Variants in SMC2 observed in about 807,000 individuals in gnomAD.
SMC2 encodes the protein structural maintenance of chromosomes protein 2.
In SMC2, 41 loss-of-function variants were observed where a neutral mutation model predicts 142.6. The observed-to-expected ratio is 0.29, with a 90% CI of 0.22 to 0.37. SMC2 has a LOEUF of 0.37. Among genes scored for constraint, SMC2 ranks in the 10% least tolerant of loss-of-function variants. SMC2 has a pLI of 1.00. For synonymous variants in SMC2, 463 were observed against 457.5 expected, an observed-to-expected ratio of 1.01 and a Z score of -0.15; for missense variants, 1,265 against 1,373.7, an observed-to-expected ratio of 0.92 and a Z score of 1.25.
chr9:104,095,388 C>T lies in SMC2; in HGVS notation c.4C>T (p.His2Tyr). Reference sequence around the variant, plus strand: ...CTGACCCAAGACAGTATCGAAAATGCATATTAAGTCAATTATTCTAGAGGG... The same window carrying T: ...CTGACCCAAGACAGTATCGAAAATGTATATTAAGTCAATTATTCTAGAGGG... The part of the protein sequence containing the change: M[H>Y]IKSIILEGFK... Residue 2 changes from histidine (H) to tyrosine (Y), a missense_variant, in exon 2 of 25, where the codon CAT becomes TAT. This residue lies in a region of SMC2 where 168 missense variants were observed against 184.8 expected (regional missense o/e 0.91). Transcript: ENST00000374793. 1.2e-6 allele frequency: 2 copies of T among 1,612,174 alleles called. No homozygotes were observed. Among genetic ancestry groups the T allele is most frequent in the Non-Finnish European group, 1.7e-6 (2 of 1,179,610 alleles).
intron 9 of SMC2, among the ~76,000 whole-genome samples, chr9:104,109,507 T>C (rs55909255): frequency 0.37 from 56,252 of 152,052 alleles, 10,784 homozygotes; most frequent in Middle Eastern, 0.43. Context: ...CTGTTGCCAC[T>C]CTATAGTCTG....
intron 11 of SMC2, 140 bp from the exon 12 acceptor site, chr9:104,113,824 A>G (rs1832766118): frequency 1.8e-6 from 1 of 563,606 alleles, no homozygotes; most frequent in African/African-American, 1.9e-5. Flanking sequence ...AGAAATAGGA[A>G]GGTTCAGCAT....
At chr9:104,094,601 T>G (rs946415061) in intron 1 of SMC2, 124 bp downstream of exon 1, 2 of 378,286 alleles carry the variant, frequency 5.3e-6, no homozygotes, top group Non-Finnish European at 9.4e-6. Flanking sequence ...CAGAGGGACC[T>G]TAGGTGATCC....
chr9:104,110,306 A>C (rs1832279082), intron 9 of SMC2, among the ~76,000 whole-genome samples: 1 of 152,222 alleles, frequency 6.6e-6, no homozygotes, highest in Non-Finnish European at 1.5e-5. Flanking sequence ...CTGCCTTTCC[A>C]GACAGATGAT....
intron 15 of SMC2, 94 bp from the exon 16 acceptor site, chr9:104,119,933 A>G: frequency 8.5e-7 from 1 of 1,173,348 alleles, no homozygotes. Context: ...TTACTATTGA[A>G]TCAATTTGAG....
In SMC2 at chr9:104,094,466, C is replaced by T. The variant is rs1446341628; in HGVS notation, c.-73C>T. 5 of 397,614 alleles carry T rather than the reference C, an allele frequency of 1.3e-5. No homozygotes were observed. The highest frequency in any genetic ancestry group is 1.0e-4 in the African/African-American group (5 of 48,534). 24.6% of individuals were successfully genotyped at this position (397,614 alleles called of 1,614,324 possible). Reference sequence around the variant, plus strand: ...CTTTTGGGGTGCGTCAAGCCCCTGGCCTGAGGCAGCGGTGAGGCGTGTGCG... The same window carrying T: ...CTTTTGGGGTGCGTCAAGCCCCTGGTCTGAGGCAGCGGTGAGGCGTGTGCG... On this transcript the variant is annotated 5_prime_UTR_variant, in exon 1 of 25. Transcript: ENST00000374793.
chr9:104,106,305 A>C (rs1001410001), intron 9 of SMC2, among the ~76,000 whole-genome samples: 2 of 152,230 alleles, frequency 1.3e-5, no homozygotes, highest in African/African-American at 4.8e-5. Context: ...GGGTAGCATC[A>C]GGGTCCACAT....
the SMC2 span, among the ~76,000 whole-genome samples, chr9:104,088,404 G>T: frequency 6.6e-6 from 1 of 152,182 alleles, no homozygotes; most frequent in South Asian, 2.1e-4. Context: ...ATGTCACAAT[G>T]AGAATGGAGG....
intron 24 of SMC2, among the ~76,000 whole-genome samples, chr9:104,138,759 G>C (rs1028132359): frequency 2.6e-5 from 4 of 152,112 alleles, no homozygotes; most frequent in Non-Finnish European, 5.9e-5. Flanking sequence ...TGGGGCGGCG[G>C]GGCAGTGCCT....
intron 20 of SMC2, 46 bp downstream of exon 20, chr9:104,127,526 C>T (rs1457926952): frequency 1.4e-6 from 2 of 1,396,186 alleles, no homozygotes; most frequent in African/African-American, 1.4e-5. Context: ...ATTTTTGTTA[C>T]TGAGCTCTTG....
At chr9:104,115,744 A>ATATAG (rs1833029079) in intron 13 of SMC2, among the ~76,000 whole-genome samples, 1 of 150,226 alleles carries the variant, frequency 6.7e-6, no homozygotes, top group African/African-American at 2.5e-5. Context: ...AATTTTCAGT[A>ATATAG]TATAGTATTA....
intron 16 of SMC2, among the ~76,000 whole-genome samples, chr9:104,121,795 T>C (rs934914478): frequency 2.6e-5 from 4 of 151,976 alleles, no homozygotes; most frequent in South Asian, 2.1e-4. Context: ...GTCTTTTTCT[T>C]TTTTTTTGAG....
upstream of SMC2, chr9:104,092,194 A>G (rs1434994695): frequency 6.6e-6 from 1 of 151,916 alleles, no homozygotes; most frequent in Non-Finnish European, 1.5e-5. Context: ...GGCACGCAAT[A>G]AGACTAAAAC....
intron 23 of SMC2, among the ~76,000 whole-genome samples, chr9:104,135,061 C>T (rs1251983998): frequency 6.6e-6 from 1 of 151,968 alleles, no homozygotes; most frequent in African/African-American, 2.4e-5. Context: ...TTGAAGGAAC[C>T]AAACTGTTAT....
At chr9:104,094,095 C>G (rs1279970546), upstream of SMC2, among the ~76,000 whole-genome samples, 3 of 151,998 alleles carry the variant, frequency 2.0e-5, no homozygotes, top group African/African-American at 4.8e-5. Context: ...GAGTGCCGGA[C>G]GCCGGTGTGA....
At chr9:104,103,583 G>A (rs1208593791) in intron 9 of SMC2, among the ~76,000 whole-genome samples, 2 of 152,306 alleles carry the variant, frequency 1.3e-5, no homozygotes, top group East Asian at 1.9e-4. Flanking sequence ...TCGCCTTCGC[G>A]AGAACTAGGA....
upstream of SMC2, among the ~76,000 whole-genome samples, chr9:104,091,548 A>G (rs568043265): frequency 2.6e-5 from 4 of 152,344 alleles, no homozygotes; most frequent in Non-Finnish European, 5.9e-5. Flanking sequence ...TGAAAAAATA[A>G]AAGTGCTGCT....
At chr9:104,100,728 T>A (rs1157729770) in intron 7 of SMC2, among the ~76,000 whole-genome samples, 1 of 152,204 alleles carries the variant, frequency 6.6e-6, no homozygotes, top group African/African-American at 2.4e-5. Context: ...TAGCATTGAC[T>A]GGAACAACAT....
chr9:104,118,386 T>A lies in SMC2; in HGVS notation c.1996+11T>A. 1 of 1,603,218 alleles carries A rather than the reference T, an allele frequency of 6.2e-7. No homozygotes were observed. Among genetic ancestry groups the A allele is most frequent in the Non-Finnish European group, 8.5e-7 (1 of 1,171,572 alleles). On this transcript the variant is annotated intron_variant, in intron 15 of 24. Transcript: ENST00000374793. ...GGACATTGAGTGGAGGTAAGTTTTA[T>A]ATCCTTTTCTCCTCACAATTCTTTG...
Sources: gnomAD v4.1 joint callset for allele counts (sites outside exome capture counted in the v4.1 genomes callset) on GRCh38, gnomAD v4.1.1 for gene constraint, gnomAD v4.1.1 regional missense constraint, MANE v1.5 for transcripts, NCBI Gene and HGNC (gene_info 2026-07-23, HGNC 2026-07-21) for gene names.